LIN7A: variants seen among roughly 807,000 people sequenced by gnomAD.
LIN7A encodes protein lin-7 homolog A.
Under a neutral mutation model 29.8 loss-of-function variants are expected in LIN7A, and 25 were observed. That is an observed-to-expected ratio of 0.84 (90% CI 0.61 to 1.17). The LOEUF (loss-of-function observed/expected upper bound fraction) is 1.17. Ranked by LOEUF, LIN7A falls within the 50% of genes most tolerant of loss-of-function variation. The pLI is 0.00. For synonymous variants in LIN7A, 118 were observed against 107.5 expected (o/e 1.10, Z -0.60); for missense variants, 239 against 287.0 (o/e 0.83, Z 1.21).
chr12:80,906,816 T>C (rs1481051053), intron 1 of LIN7A, among the ~76,000 whole-genome samples: 1 of 151,828 alleles, frequency 6.6e-6, no homozygotes, highest in Non-Finnish European at 1.5e-5. Flanking sequence ...CCCTTGAACC[T>C]AAAATGAAAA....
chr12:80,899,069 G>C (rs1565920950), intron 1 of LIN7A, among the ~76,000 whole-genome samples: 1 of 152,100 alleles, frequency 6.6e-6, no homozygotes, highest in Non-Finnish European at 1.5e-5. Flanking sequence ...ATTTTCAAGA[G>C]GAATGCTTCC....
chr12:80,820,582 C>T (rs964103331), intron 4 of LIN7A, among the ~76,000 whole-genome samples: 2 of 151,086 alleles, frequency 1.3e-5, no homozygotes, highest in Admixed American at 1.3e-4. Context: ...TTGATGTCTG[C>T]ACCAAAAGGG....
At chr12:80,911,608 T>C (rs1003700495) in intron 1 of LIN7A, among the ~76,000 whole-genome samples, 3 of 152,204 alleles carry the variant, frequency 2.0e-5, no homozygotes, top group Non-Finnish European at 4.4e-5. Context: ...ATTATTCTTG[T>C]ACCTTTTCTA....
chr12:80,912,836 A>G (rs952860449), intron 1 of LIN7A, among the ~76,000 whole-genome samples: 1 of 152,226 alleles, frequency 6.6e-6, no homozygotes, highest in Non-Finnish European at 1.5e-5. Flanking sequence ...AAAAATGCAA[A>G]AAGAAATCCT....
intron 1 of LIN7A, among the ~76,000 whole-genome samples, chr12:80,902,954 T>C (rs769266529): frequency 4.0e-5 from 6 of 151,728 alleles, no homozygotes; most frequent in Non-Finnish European, 5.9e-5. Flanking sequence ...TCAAGAATGG[T>C]TTGACCTCTT....
At chr12:80,888,987 T>C (rs575548224) in intron 2 of LIN7A, among the ~76,000 whole-genome samples, 2 of 152,214 alleles carry the variant, frequency 1.3e-5, no homozygotes, top group African/African-American at 2.4e-5. Context: ...CTAAATAGCA[T>C]AGACTACATG....
chr12:80,826,200 C>T (rs61937068), intron 4 of LIN7A, among the ~76,000 whole-genome samples: 4,395 of 152,272 alleles, frequency 0.029, 187 homozygotes, highest in Admixed American at 0.12. Flanking sequence ...TGTACACCCA[C>T]AGAATATTCT....
chr12:80,799,228 G>A (rs1400634313), intron 5 of LIN7A, among the ~76,000 whole-genome samples: 2 of 152,126 alleles, frequency 1.3e-5, no homozygotes, highest in African/African-American at 4.8e-5. Context: ...TGCAACAAAT[G>A]TTAGTATTGC....
intron 4 of LIN7A, among the ~76,000 whole-genome samples, chr12:80,830,908 A>T (rs2121527405): frequency 6.6e-6 from 1 of 152,028 alleles, no homozygotes; most frequent in African/African-American, 2.4e-5. Flanking sequence ...AACTGAGGCT[A>T]CTCTGACCGG....
In LIN7A at chr12:80,818,969, TTTAA is replaced by T. The variant is rs1195319831; in HGVS notation, c.484-7290_484-7287del. Among the ~76,000 whole-genome samples the T allele has an allele frequency of 2.6e-5, 4 of 152,368 alleles. No individual in the cohort carries two copies. The East Asian group carries it at 7.7e-4, about 29-fold the overall frequency. On this transcript the variant is annotated intron_variant, in intron 4 of 5. Coordinates refer to ENST00000552864, the MANE Select transcript of LIN7A (RefSeq NM_004664.4). The stretch of plus-strand genomic sequence containing the variant: ...AAAGAAAAACAATGTTGATTGGGTA[TTTAA>T]TTAAGAAAGAAATATCTTTTAATAA...
At chr12:80,934,280 A>T (rs1878083090) in intron 1 of LIN7A, among the ~76,000 whole-genome samples, 1 of 152,210 alleles carries the variant, frequency 6.6e-6, no homozygotes, top group Non-Finnish European at 1.5e-5. Flanking sequence ...GGTCTGGCTT[A>T]TGATAGGTAC....
chr12:80,856,974 GC>G (rs1873632723), intron 2 of LIN7A, among the ~76,000 whole-genome samples: 1 of 152,188 alleles, frequency 6.6e-6, no homozygotes, highest in South Asian at 2.1e-4. Context: ...TTTATTAGTT[GC>G]CCCAATATCC....
At chr12:80,865,678 G>A (rs1042272260) in intron 2 of LIN7A, among the ~76,000 whole-genome samples, 4 of 152,198 alleles carry the variant, frequency 2.6e-5, no homozygotes, top group Non-Finnish European at 5.9e-5. Context: ...TTTTATGTGA[G>A]AAAGGACAGG....
At chr12:80,900,089 T>C (rs752668505) in intron 1 of LIN7A, among the ~76,000 whole-genome samples, 1 of 152,214 alleles carries the variant, frequency 6.6e-6, no homozygotes, top group Admixed American at 6.5e-5. Flanking sequence ...CGGGTTTTTG[T>C]ATTCCTGTGG....
intron 1 of LIN7A, among the ~76,000 whole-genome samples, chr12:80,930,031 C>CT (rs1462872921): frequency 6.6e-6 from 1 of 152,050 alleles, no homozygotes; most frequent in Non-Finnish European, 1.5e-5. Flanking sequence ...ATTATTCTAT[C>CT]TTTTTTTAGT....
chr12:80,916,900 T>C (rs1877055688), intron 1 of LIN7A, among the ~76,000 whole-genome samples: 1 of 152,148 alleles, frequency 6.6e-6, no homozygotes. Context: ...AAATATTTGA[T>C]AAAAACCTAC....
chr12:80,890,932 G>A (rs1047174710), intron 1 of LIN7A, among the ~76,000 whole-genome samples: 2 of 152,004 alleles, frequency 1.3e-5, no homozygotes, highest in African/African-American at 4.8e-5. Flanking sequence ...CTACCTAGAT[G>A]CCCATGGATG....
At chr12:80,807,087 T>TG (rs1592848750) in intron 5 of LIN7A, among the ~76,000 whole-genome samples, 1 of 141,062 alleles carries the variant, frequency 7.1e-6, no homozygotes, top group African/African-American at 2.7e-5. Context: ...TTTTTTTTTT[T>TG]TTTTGACGGA....
intron 1 of LIN7A, among the ~76,000 whole-genome samples, chr12:80,929,795 CTA>C (rs1877794485): frequency 6.6e-6 from 1 of 152,040 alleles, no homozygotes; most frequent in South Asian, 2.1e-4. Context: ...ATAGATTGCC[CTA>C]TAGTTTCCCA....
Sources: allele counts gnomAD v4.1 joint callset (sites outside exome capture counted in the v4.1 genomes callset), GRCh38; gene constraint gnomAD v4.1.1; transcripts MANE v1.5; gene names NCBI Gene and HGNC (gene_info 2026-07-23, HGNC 2026-07-21).